Variants in RBFOX1 observed in about 807,000 individuals in gnomAD.
RBFOX1 encodes the protein RNA binding protein fox-1 homolog 1.
In RBFOX1, 8 loss-of-function variants were observed where a neutral mutation model predicts 57.7. That is an observed-to-expected ratio of 0.14 (90% CI 0.08 to 0.25). The LOEUF is 0.25. Among genes scored for constraint, RBFOX1 ranks in the 10% least tolerant of loss-of-function variants. RBFOX1 has a pLI of 1.00. For missense variants in RBFOX1, 611 were observed against 548.5 expected (o/e 1.11, Z -1.14); for synonymous variants, 326 against 222.4 (o/e 1.47, Z -4.15).
chr16:7,265,165 A>T (rs946150030), intron 4 of RBFOX1, among the ~76,000 whole-genome samples: 3 of 152,222 alleles, frequency 2.0e-5, no homozygotes, highest in African/African-American at 7.2e-5. Flanking sequence ...ATCTTAGTCT[A>T]TCCAGTTGCC....
chr16:5,397,761 A>T (rs2066601676), intron 1 of RBFOX1, among the ~76,000 whole-genome samples: 1 of 152,226 alleles, frequency 6.6e-6, no homozygotes, highest in Non-Finnish European at 1.5e-5. Context: ...GGAGACCTGA[A>T]GTCAATGAAA....
intron 5 of RBFOX1, among the ~76,000 whole-genome samples, chr16:7,571,404 G>A (rs1019492558): frequency 1.3e-5 from 2 of 152,078 alleles, no homozygotes; most frequent in Non-Finnish European, 2.9e-5. Flanking sequence ...TGGATTGGTC[G>A]ATATCAAAAT....
At chr16:7,551,000 G>T (rs962180073) in intron 5 of RBFOX1, among the ~76,000 whole-genome samples, 1 of 150,136 alleles carries the variant, frequency 6.7e-6, no homozygotes, top group Non-Finnish European at 1.5e-5. Context: ...AGGCTGAGGC[G>T]GGAAAATCAC....
At chr16:7,372,183 A>G (rs772573686) in intron 4 of RBFOX1, among the ~76,000 whole-genome samples, 8 of 152,236 alleles carry the variant, frequency 5.3e-5, no homozygotes, top group Admixed American at 2.0e-4. Context: ...ATGCTATTCA[A>G]TTCACATCAC....
chr16:6,925,466 T>TTATA (rs1032240209), intron 3 of RBFOX1, among the ~76,000 whole-genome samples: 2 of 151,480 alleles, frequency 1.3e-5, no homozygotes, highest in African/African-American at 4.9e-5. Flanking sequence ...ATTTATTTAT[T>TTATA]TATTTATTTA....
intron 4 of RBFOX1, among the ~76,000 whole-genome samples, chr16:5,882,758 A>T (rs893738385): frequency 5.9e-5 from 9 of 152,162 alleles, no homozygotes; most frequent in African/African-American, 2.2e-4. Flanking sequence ...TTAAAGACGG[A>T]ATTTGACACA....
intron 4 of RBFOX1, among the ~76,000 whole-genome samples, chr16:5,882,524 C>A (rs759920722): frequency 2.0e-5 from 3 of 152,130 alleles, no homozygotes; most frequent in Non-Finnish European, 4.4e-5. Flanking sequence ...TTTTGATGAA[C>A]TCAGAGCTGC....
intron 3 of RBFOX1, among the ~76,000 whole-genome samples, chr16:6,868,907 C>G (rs926915600): frequency 6.6e-6 from 1 of 152,176 alleles, no homozygotes; most frequent in Non-Finnish European, 1.5e-5. Flanking sequence ...CTTGAAGTGA[C>G]ATTTTGTGAG....
intron 4 of RBFOX1, among the ~76,000 whole-genome samples, chr16:7,430,933 T>A (rs8062544): frequency 0.74 from 112,731 of 152,058 alleles, 43,019 homozygotes; most frequent in African/African-American, 0.93. Flanking sequence ...AAAGAATGTT[T>A]GTTTGCTAGT....
At chr16:6,555,084 C>A (rs1440532800) in intron 2 of RBFOX1, among the ~76,000 whole-genome samples, 2 of 152,114 alleles carry the variant, frequency 1.3e-5, no homozygotes, top group African/African-American at 4.8e-5. Flanking sequence ...CACATGGAAA[C>A]ACAGGGAAGG....
At chr16:6,833,740 A>G (rs962678206) in intron 3 of RBFOX1, among the ~76,000 whole-genome samples, 1 of 152,202 alleles carries the variant, frequency 6.6e-6, no homozygotes, top group Non-Finnish European at 1.5e-5. Flanking sequence ...TATTAAAACA[A>G]AAAGAATTAA....
chr16:7,289,149 A>T (rs907882160), intron 4 of RBFOX1, among the ~76,000 whole-genome samples: 4 of 152,210 alleles, frequency 2.6e-5, no homozygotes, highest in African/African-American at 9.6e-5. Flanking sequence ...TGGCTGAGTT[A>T]CAAAGAAGAA....
intron 1 of RBFOX1, among the ~76,000 whole-genome samples, chr16:5,242,023 G>A (rs1008316914): frequency 6.6e-5 from 10 of 152,058 alleles, no homozygotes; most frequent in Non-Finnish European, 5.9e-5. Flanking sequence ...GCTGAGGTGG[G>A]AGGATTGCTA....
intron 2 of RBFOX1, among the ~76,000 whole-genome samples, chr16:6,398,310 C>G (rs552000661): frequency 6.6e-6 from 1 of 152,280 alleles, no homozygotes; most frequent in South Asian, 2.1e-4. Context: ...GCTCCTGGTC[C>G]TTTCCAAATC....
chr16:5,408,265 G>C (rs1249113714), intron 1 of RBFOX1, among the ~76,000 whole-genome samples: 1 of 152,222 alleles, frequency 6.6e-6, no homozygotes, highest in Non-Finnish European at 1.5e-5. Context: ...AGAGACCCAA[G>C]ATTGGAGAGA....
chr16:6,918,925 T>G (rs7200151), intron 3 of RBFOX1, among the ~76,000 whole-genome samples: 30,497 of 152,036 alleles, frequency 0.2, 3,237 homozygotes, highest in East Asian at 0.27. Context: ...GTGATCTAGT[T>G]ACGCAGGGTC....
At chr16:6,793,241 C>G (rs1185508230) in intron 3 of RBFOX1, among the ~76,000 whole-genome samples, 1 of 152,066 alleles carries the variant, frequency 6.6e-6, no homozygotes, top group Non-Finnish European at 1.5e-5. Context: ...TAAGAACATT[C>G]CAGTAGACCG....
chr16:6,441,361 C>T (rs1029622020), intron 2 of RBFOX1, among the ~76,000 whole-genome samples: 3 of 152,266 alleles, frequency 2.0e-5, no homozygotes, highest in Admixed American at 6.5e-5. Context: ...GATTCTTTCT[C>T]TCTGACTGCT....
At chr16:5,398,597 G>C (rs979466950) in intron 1 of RBFOX1, among the ~76,000 whole-genome samples, 5 of 151,880 alleles carry the variant, frequency 3.3e-5, no homozygotes, top group African/African-American at 1.2e-4. Context: ...TGTTGGGAAG[G>C]GCAAGGAAAT....
Sources: allele counts gnomAD v4.1 joint callset (sites outside exome capture counted in the v4.1 genomes callset), GRCh38; gene constraint gnomAD v4.1.1; transcripts MANE v1.5; gene names NCBI Gene and HGNC (gene_info 2026-07-23, HGNC 2026-07-21).